The following DCDC1 variants were observed in gnomAD, a reference collection of about 807,000 sequenced individuals.
DCDC1 encodes doublecortin domain-containing protein 1.
Under a neutral mutation model 178.3 loss-of-function variants are expected in DCDC1, and 200 were observed. That is an observed-to-expected ratio of 1.12 (90% CI 1.00 to 1.26). DCDC1 has a LOEUF of 1.26. DCDC1 is among the 50% of genes most tolerant of loss of function. The pLI is 0.00. For missense variants in DCDC1, 1,983 were observed against 1,749.2 expected (o/e 1.13, Z -2.38); for synonymous variants, 690 against 604.8 (o/e 1.14, Z -2.07).
chr11:31,264,454 A>T (rs1945005898), intron 8 of DCDC1, among the ~76,000 whole-genome samples: 1 of 151,980 alleles, frequency 6.6e-6, no homozygotes, highest in South Asian at 2.1e-4. Context: ...AGGCAGAAAG[A>T]GAGAGAGAGA....
intron 8 of DCDC1, among the ~76,000 whole-genome samples, chr11:31,245,669 A>C (rs1411211750): frequency 6.6e-6 from 1 of 151,866 alleles, no homozygotes; most frequent in Admixed American, 6.6e-5. Flanking sequence ...AGTCCTTGGA[A>C]AACTCTTATG....
chr11:31,312,848 T>C (rs1948850704), intron 3 of DCDC1: 1 of 151,990 alleles, frequency 6.6e-6, no homozygotes, highest in African/African-American at 2.4e-5. Context: ...ACATATATAA[T>C]ATATAAACAA....
At chr11:30,896,619 T>A (rs1338451585) in intron 34 of DCDC1, among the ~76,000 whole-genome samples, 1 of 152,200 alleles carries the variant, frequency 6.6e-6, no homozygotes, top group Non-Finnish European at 1.5e-5. Context: ...TGCTCCAACA[T>A]TGCCTTTACA....
chr11:30,932,883 G>A (rs996743507), intron 21 of DCDC1, among the ~76,000 whole-genome samples: 2 of 152,178 alleles, frequency 1.3e-5, no homozygotes, highest in African/African-American at 4.8e-5. Context: ...GTAACTGGGT[G>A]GATGGTATTG....
Position 30,906,707 on chromosome 11 carries a change from G to A in DCDC1, c.3937C>T (p.Pro1313Ser), listed in dbSNP as rs779479733. 1 of 1,613,258 alleles carries A rather than the reference G, an allele frequency of 6.2e-7. No homozygotes were observed. The highest frequency in any genetic ancestry group is 1.7e-5 in the Admixed American group (1 of 59,946). Residue 1313 changes from proline to serine, a missense_variant, in exon 30 of 39, where the codon CCT becomes TCT. By Grantham distance (74) the Pro-to-Ser change is moderately conservative. Coordinates refer to ENST00000684477, the MANE Select transcript of DCDC1 (RefSeq NM_001387274.1). ...IDQPGYCYLSPDGKRKTMLCL... is the reference protein window; with the variant it reads ...IDQPGYCYLSSDGKRKTMLCL... ...AGCATAGTTTTTCTCTTTCCATCAG[G>A]TGAGAGATAACAGTATCCCTAAAAT...
chr11:31,269,698 G>A (rs373818232), intron 7 of DCDC1, among the ~76,000 whole-genome samples: 2 of 152,110 alleles, frequency 1.3e-5, no homozygotes, highest in South Asian at 4.1e-4. Context: ...TTAATTCCAT[G>A]CAGCTCAAGT....
intron 16 of DCDC1, 36 bp from the exon 17 acceptor site, chr11:31,091,547 T>C (rs763498824): frequency 1.4e-6 from 1 of 708,956 alleles, no homozygotes; most frequent in South Asian, 1.5e-5. Flanking sequence ...AAGGTCTAAA[T>C]AAGTTAAAAG....
At chr11:31,358,471 A>G (rs1206978243) in intron 1 of DCDC1, among the ~76,000 whole-genome samples, 2 of 151,494 alleles carry the variant, frequency 1.3e-5, no homozygotes, top group Non-Finnish European at 3.0e-5. Context: ...GTTAGACCTA[A>G]AACCATAAAA....
At chr11:31,341,381 TTATAGA>T (rs1950528979) in intron 1 of DCDC1, among the ~76,000 whole-genome samples, 1 of 116,366 alleles carries the variant, frequency 8.6e-6, no homozygotes, top group Non-Finnish European at 1.8e-5. Context: ...AATTCCAGTT[TTATAGA>T]TAGATAGATA....
intron 18 of DCDC1, among the ~76,000 whole-genome samples, chr11:31,069,136 C>T (rs570953632): frequency 4.6e-5 from 7 of 152,224 alleles, no homozygotes; most frequent in Non-Finnish European, 1.0e-4. Flanking sequence ...CAGGCATGAG[C>T]CACCGCGCCT....
chr11:30,865,700 G>C (rs1248807075), intron 38 of DCDC1, among the ~76,000 whole-genome samples: 2 of 151,990 alleles, frequency 1.3e-5, no homozygotes, highest in African/African-American at 4.8e-5. Context: ...AAAATTGATC[G>C]ATAAGTCTTC....
At chr11:31,211,609 T>C (rs1053435464) in intron 9 of DCDC1, among the ~76,000 whole-genome samples, 3 of 152,192 alleles carry the variant, frequency 2.0e-5, no homozygotes, top group South Asian at 2.1e-4. Context: ...AAAATCCATA[T>C]GGAATAATCA....
chr11:31,184,683 T>A (rs1352278524), intron 9 of DCDC1, among the ~76,000 whole-genome samples: 1 of 152,184 alleles, frequency 6.6e-6, no homozygotes, highest in Admixed American at 6.5e-5. Context: ...TTATCACTGG[T>A]CATTAGAGAA....
intron 1 of DCDC1, among the ~76,000 whole-genome samples, chr11:31,367,790 A>T (rs1428832135): frequency 6.6e-6 from 1 of 152,246 alleles, no homozygotes; most frequent in Non-Finnish European, 1.5e-5. Flanking sequence ...TCTATTGGAA[A>T]GTACTGCTCT....
At chr11:31,035,062 T>C (rs941340593) in intron 20 of DCDC1, among the ~76,000 whole-genome samples, 4 of 152,206 alleles carry the variant, frequency 2.6e-5, no homozygotes, top group Admixed American at 2.0e-4. Context: ...TTGTGATTGC[T>C]TTGTTTCAGA....
intron 8 of DCDC1, among the ~76,000 whole-genome samples, chr11:31,244,419 G>C (rs990700960): frequency 2.6e-5 from 4 of 151,270 alleles, no homozygotes; most frequent in Non-Finnish European, 4.4e-5. Context: ...TATTATTTTT[G>C]TGTCCTTCCA....
chr11:31,236,529 T>G (rs1254554482), intron 9 of DCDC1, among the ~76,000 whole-genome samples: 2 of 151,968 alleles, frequency 1.3e-5, no homozygotes, highest in Non-Finnish European at 2.9e-5. Context: ...AAGACAAGAA[T>G]GCAATTTTCA....
At chr11:31,137,207 T>C (rs1963237804) in intron 10 of DCDC1, among the ~76,000 whole-genome samples, 1 of 152,182 alleles carries the variant, frequency 6.6e-6, no homozygotes, top group Non-Finnish European at 1.5e-5. Flanking sequence ...AGTATACAAT[T>C]ACTTTTCATG....
intron 9 of DCDC1, among the ~76,000 whole-genome samples, chr11:31,176,055 G>A (rs1328608535): frequency 6.6e-6 from 1 of 152,116 alleles, no homozygotes; most frequent in Non-Finnish European, 1.5e-5. Flanking sequence ...AGATCACAAA[G>A]AAAACGACTT....
Sources: gnomAD v4.1 joint callset for allele counts (sites outside exome capture counted in the v4.1 genomes callset) on GRCh38, gnomAD v4.1.1 for gene constraint, MANE v1.5 for transcripts, NCBI Gene and HGNC (gene_info 2026-07-23, HGNC 2026-07-21) for gene names.